Variants in POLM observed in about 807,000 individuals in gnomAD.
The protein encoded by POLM is DNA polymerase mu, also known as DNA-directed DNA/RNA polymerase mu.
In POLM, 52 loss-of-function variants were observed where a neutral mutation model predicts 56.7. The ratio of observed to expected loss-of-function variants is 0.92; its 90% CI spans 0.73 to 1.15. The LOEUF is 1.15. Ranked by LOEUF, POLM falls within the 50% of genes most tolerant of loss-of-function variation. The pLI, the probability that POLM is intolerant of heterozygous loss-of-function variation, is 0.00. For synonymous variants in POLM, 273 were observed against 274.3 expected, an observed-to-expected ratio of 1.00 and a Z score of 0.05; for missense variants, 660 against 663.6, an observed-to-expected ratio of 0.99 and a Z score of 0.06.
chr7:44,079,976 A>T lies in POLM; in HGVS notation c.373-17T>A. 6.4e-7 allele frequency: 1 copy of T among 1,565,708 alleles called. No individual in the cohort carries two copies. Among genetic ancestry groups the T allele is most frequent in the South Asian group, 1.1e-5 (1 of 90,030 alleles). ...CCCAGCCACCTGGGGATGGGCAATA[A>T]ACAGGTCACTGTGAGGCTGCAGGGC... On this transcript the variant is annotated splice_polypyrimidine_tract_variant and intron_variant, in intron 2 of 10. Transcript: ENST00000242248.
intron 1 of POLM, among the ~76,000 whole-genome samples, chr7:44,082,004 C>A (rs975955125): frequency 1.3e-5 from 2 of 152,164 alleles, no homozygotes; most frequent in African/African-American, 2.4e-5. Context: ...CTCGGCCTCC[C>A]AAAGTGCTGG....
chr7:44,073,656 AGCCACAG>A lies in POLM; in HGVS notation c.1360_1366del (p.Leu454Ter), dbSNP rs768994301. ...CGGGTCAAACAGCCCATGGCTGTTCAGCCACAGGCCCTTCTCCTTCCGGCTGAAGCGG... is the reference window on the plus strand; with the variant it reads ...CGGGTCAAACAGCCCATGGCTGTTCAGCCCTTCTCCTTCCGGCTGAAGCGG... On this transcript the variant is annotated frameshift_variant, in exon 10 of 11. Transcript: ENST00000242248. LOFTEE classifies it high-confidence loss of function. 3 of 1,614,174 alleles carry A rather than the reference AGCCACAG, an allele frequency of 1.9e-6. No individual in the cohort carries two copies. The Admixed American group carries it at 5.0e-5, about 27-fold the overall frequency.
In POLM at chr7:44,072,812, C is replaced by T. The variant is rs868799994; in HGVS notation, c.*479G>A. 5 of 345,884 alleles carry T rather than the reference C, an allele frequency of 1.4e-5. No homozygotes were observed. Among genetic ancestry groups the T allele is most frequent in the South Asian group, 1.1e-4 (1 of 9,234 alleles). The allele number at this position is 345,884 out of a possible 1,614,324, so 21.4% of individuals were successfully genotyped here. A position where few individuals can be genotyped will look rare whatever the true frequency, so the allele number is the denominator to read the frequency against. Reference sequence around the variant, plus strand: ...CCAGACAGTAGGCTCCTTGCTGGCACGAACCACAGCCTCCAGCTCATGGCT... The same window carrying T: ...CCAGACAGTAGGCTCCTTGCTGGCATGAACCACAGCCTCCAGCTCATGGCT... On this transcript the variant is annotated 3_prime_UTR_variant, in exon 11 of 11. Coordinates refer to ENST00000242248, the MANE Select transcript of POLM (RefSeq NM_013284.4).
chr7:44,076,501 G>A lies in POLM; in HGVS notation c.835+8C>T, dbSNP rs1204797394. The A allele has an allele frequency of 4.3e-6, 7 of 1,613,786 alleles. No homozygotes were observed. The African/African-American group carries it at 5.3e-5, about 12-fold the overall frequency. ...AAGCCCAGGGCCCAGCCTCTCTGGAGGGCTCACCCGCTTTCTGCTGTTGGG... is the reference window on the plus strand; with the variant it reads ...AAGCCCAGGGCCCAGCCTCTCTGGAAGGCTCACCCGCTTTCTGCTGTTGGG... On this transcript the variant is annotated splice_region_variant and intron_variant, in intron 6 of 10. Coordinates refer to ENST00000242248, the MANE Select transcript of POLM (RefSeq NM_013284.4).
chr7:44,081,318 C>T (rs1221765309), intron 1 of POLM, among the ~76,000 whole-genome samples: 1 of 152,204 alleles, frequency 6.6e-6, no homozygotes, highest in Non-Finnish European at 1.5e-5. Flanking sequence ...GGGCAAGCCA[C>T]GTGTCTATAC....
chr7:44,080,581 A>C, intron 2 of POLM, 152 bp downstream of exon 2: 1 of 793,094 alleles, frequency 1.3e-6, no homozygotes, highest in Non-Finnish European at 2.1e-6. Flanking sequence ...ACTGGTTTAT[A>C]GGGGGCCCCT....
chr7:44,073,915 T>TG lies in POLM; in HGVS notation c.1181_1182insC (p.Pro395ThrfsTer69), dbSNP rs1308614938. On this transcript the variant is annotated frameshift_variant, in exon 9 of 11. Coordinates refer to ENST00000242248, the MANE Select transcript of POLM (RefSeq NM_013284.4). LOFTEE classifies it high-confidence loss of function. ...CCACAGCAGCCCCTGGAGGTTGTGG[T>TG]AGGCGGAAAATGCAGAAACTTCTCT... 6.2e-6 allele frequency: 10 copies of TG among 1,614,178 alleles called. No homozygotes were observed. In the East Asian group the frequency reaches 2.0e-4, roughly 32 times the overall value.
intron 2 of POLM, 56 bp downstream of exon 2, chr7:44,080,677 T>C: frequency 1.3e-6 from 2 of 1,533,994 alleles, no homozygotes; most frequent in South Asian, 1.1e-5. Flanking sequence ...AGCTGAGCAA[T>C]GGCCTACACT....
intron 2 of POLM, 42 bp from the exon 3 acceptor site, chr7:44,080,001 C>T: frequency 7.0e-7 from 1 of 1,436,532 alleles, no homozygotes; most frequent in Non-Finnish European, 9.8e-7. Context: ...GGCTGCAGGG[C>T]TGGCAGGAGA....
intron 5 of POLM, 196 bp from the exon 6 acceptor site, chr7:44,076,825 A>C (rs989954564): frequency 3.3e-5 from 20 of 610,650 alleles, no homozygotes; most frequent in Non-Finnish European, 5.4e-5. Flanking sequence ...TCTGGGAACA[A>C]ACCCACGCAC....
rs143736448 is a variant in POLM at position 44,078,300 on chromosome 7, C to T, written c.714+440G>A. ...CAACATTACCAAGACCCCATCTTTA[C>T]GAGAAAGATTTAAAAATTAACCTGG... On this transcript the variant is annotated intron_variant, in intron 5 of 10. Coordinates refer to ENST00000242248, the MANE Select transcript of POLM (RefSeq NM_013284.4). The T allele has an allele frequency of 1.6e-3, 276 of 168,134 alleles. 1 individual carries two copies. Among genetic ancestry groups the T allele is most frequent in the African/African-American group, 6.1e-3 (258 of 42,014 alleles). The allele number at this position is 168,134 out of a possible 1,614,324, so 10.4% of individuals were successfully genotyped here.
At chr7:44,076,844 C>T (rs1474210339) in intron 5 of POLM, 6 of 572,636 alleles carry the variant, frequency 1.0e-5, no homozygotes, top group Non-Finnish European at 1.9e-5. Flanking sequence ...ACACCCCTCT[C>T]CTCTCCTCTA....
Position 44,079,970 on chromosome 7 carries a change from G to T in POLM, c.373-11C>A. On this transcript the variant is annotated splice_polypyrimidine_tract_variant and intron_variant, in intron 2 of 10. Coordinates refer to ENST00000242248, the MANE Select transcript of POLM (RefSeq NM_013284.4). ...CCTTGGCCCAGCCACCTGGGGATGG[G>T]CAATAAACAGGTCACTGTGAGGCTG... is the stretch of plus-strand genomic sequence containing the variant. 2 of 1,583,264 alleles carry T rather than the reference G, an allele frequency of 1.3e-6. No individual in the cohort carries two copies. Among genetic ancestry groups the T allele is most frequent in the Middle Eastern group, 1.9e-4 (1 of 5,212 alleles).
In POLM at chr7:44,072,630, A is replaced by G. The variant is rs1562665053; in HGVS notation, c.*661T>C. 2 of 154,534 alleles carry G rather than the reference A, an allele frequency of 1.3e-5. No individual in the cohort carries two copies. The highest frequency in any genetic ancestry group is 4.8e-5 in the African/African-American group (2 of 41,550). 9.6% of individuals were successfully genotyped at this position (154,534 alleles called of 1,614,324 possible). Reference sequence around the variant, plus strand: ...GGCTCTGCGACGGGAGTGGCAGGATATGACCTATTTTTGAGACATTGTGCT... The same window carrying G: ...GGCTCTGCGACGGGAGTGGCAGGATGTGACCTATTTTTGAGACATTGTGCT... On this transcript the variant is annotated 3_prime_UTR_variant, in exon 11 of 11. Transcript: ENST00000242248.
rs1425779216 is a variant in POLM, at chr7:44,073,084, C to T, written c.*207G>A. The T allele has an allele frequency of 3.4e-6, 5 of 1,454,406 alleles. No individual in the cohort carries two copies. Among genetic ancestry groups the T allele is most frequent in the Non-Finnish European group, 4.5e-6 (5 of 1,106,498 alleles). 90.1% of individuals were successfully genotyped at this position (1,454,406 alleles called of 1,614,324 possible). A position where few individuals can be genotyped will look rare whatever the true frequency, so the allele number is the denominator to read the frequency against. ...GGGTCACACAGTGATGAGGCTGGCA[C>T]TGAGGGCTCCCACCTCATCACACCC... On this transcript the variant is annotated 3_prime_UTR_variant, in exon 11 of 11. Transcript: ENST00000242248.
At chr7:44,082,204 A>G in intron 1 of POLM, 47 bp downstream of exon 1, 1 of 1,398,828 alleles carries the variant, frequency 7.1e-7, no homozygotes, top group Non-Finnish European at 9.3e-7. Context: ...TAGAATCCAA[A>G]ACCAGAAGTG....
Position 44,074,409 on chromosome 7 carries a change from G to C in POLM, c.957C>G (p.Gly319=), listed in dbSNP as rs369241716. Residue 319 remains glycine, a synonymous_variant, in exon 7 of 11, where the codon GGC becomes GGG. Coordinates refer to ENST00000242248, the MANE Select transcript of POLM (RefSeq NM_013284.4). ...ALPGATVTLT[G]GFRRGKLQGH... ...TCGGGCCTTCTTACCTGCGGAAGCC[G>C]CCGGTCAGCGTGACGGTGGCCCCAG... 8.3e-6 allele frequency: 13 copies of C among 1,557,204 alleles called. No homozygotes were observed. In the East Asian group the frequency reaches 2.4e-4, roughly 29 times the overall value.
At chr7:44,080,596 A>G in intron 2 of POLM, 137 bp downstream of exon 2, 1 of 936,314 alleles carries the variant, frequency 1.1e-6, no homozygotes, top group Non-Finnish European at 1.7e-6. Flanking sequence ...GCCCCTGGTG[A>G]TCTGGGTAGA....
In POLM at chr7:44,073,172, G is replaced by A; in HGVS notation, c.*119C>T. 1.3e-6 allele frequency: 2 copies of A among 1,570,612 alleles called. No homozygotes were observed. Among genetic ancestry groups the A allele is most frequent in the Non-Finnish European group, 1.7e-6 (2 of 1,157,936 alleles). ...CACAATTGACCTCCGGAAGAGCCAG[G>A]CCTTGGCGGGGAGGGGTGAAGGTGG... On this transcript the variant is annotated 3_prime_UTR_variant, in exon 11 of 11. Transcript: ENST00000242248.
Sources: allele counts gnomAD v4.1 joint callset (sites outside exome capture counted in the v4.1 genomes callset), GRCh38; gene constraint gnomAD v4.1.1; transcripts MANE v1.5; gene names NCBI Gene and HGNC (gene_info 2026-07-23, HGNC 2026-07-21).